The following PHIP variants were observed in gnomAD, a reference collection of about 807,000 sequenced individuals.
The protein encoded by PHIP is PH-interacting protein.
Under a neutral mutation model 236.8 loss-of-function variants are expected in PHIP, and 54 were observed. The observed-to-expected ratio is 0.23, with a 90% CI of 0.18 to 0.29. PHIP has a LOEUF of 0.29. PHIP is among the 10% of genes least tolerant of loss of function. The pLI is 1.00. For missense variants in PHIP, 1,370 were observed against 2,190.8 expected (o/e 0.63, Z 7.48); for synonymous variants, 756 against 718.9 (o/e 1.05, Z -0.83).
At chr6:79,045,347 T>A (rs913314811) in intron 6 of PHIP, among the ~76,000 whole-genome samples, 5 of 152,138 alleles carry the variant, frequency 3.3e-5, no homozygotes, top group Admixed American at 2.6e-4. Context: ...CTTGACCATA[T>A]CAAATAGGTA....
intron 35 of PHIP, among the ~76,000 whole-genome samples, chr6:78,952,629 T>C (rs572169459): frequency 1.4e-4 from 22 of 152,226 alleles, no homozygotes; most frequent in African/African-American, 4.3e-4. Flanking sequence ...TGGGATTCTA[T>C]AGAATTTGCT....
intron 4 of PHIP, among the ~76,000 whole-genome samples, chr6:79,075,510 T>C (rs1774106151): frequency 6.6e-6 from 1 of 152,110 alleles, no homozygotes; most frequent in South Asian, 2.1e-4. Flanking sequence ...AAAGAATGCT[T>C]ACTGTATCTT....
chr6:78,964,002 C>A (rs1766963182), intron 29 of PHIP, among the ~76,000 whole-genome samples: 1 of 152,126 alleles, frequency 6.6e-6, no homozygotes, highest in South Asian at 2.1e-4. Context: ...GGAAACAAAA[C>A]AGTGAATCAG....
In PHIP at chr6:79,019,139, G is replaced by A. The variant is rs1164965097; in HGVS notation, c.944C>T (p.Thr315Ile). ...TTGAACTCCAGGCCGAGGGCGCTCTGTAAATTTTGCAGGTCTTGGGCTGTA... is the reference window on the plus strand; with the variant it reads ...TTGAACTCCAGGCCGAGGGCGCTCTATAAATTTTGCAGGTCTTGGGCTGTA... ...LKINPRPAKF[T>I]ERPRPGVQMI... The change falls in exon 10 of 40, where the codon ACA becomes ATA. Residue 315 changes from threonine to isoleucine, a missense_variant. Transcript: ENST00000275034. 1.2e-6 allele frequency: 2 copies of A among 1,612,244 alleles called. No individual in the cohort carries two copies. The highest frequency in any genetic ancestry group is 2.2e-5 in the East Asian group (1 of 44,832).
At chr6:79,023,644 A>G (rs1347380984) in intron 9 of PHIP, among the ~76,000 whole-genome samples, 2 of 151,976 alleles carry the variant, frequency 1.3e-5, no homozygotes, top group Non-Finnish European at 2.9e-5. Context: ...ATTCCTAATT[A>G]TATCTATATA....
intron 7 of PHIP, among the ~76,000 whole-genome samples, chr6:79,039,789 T>C (rs1772120985): frequency 6.6e-6 from 1 of 152,146 alleles, no homozygotes; most frequent in African/African-American, 2.4e-5. Context: ...CTCCGTTAAA[T>C]GTCACTTAAG....
rs142257341 is a variant in PHIP at position 78,952,667 on chromosome 6, G to A, written c.4053+2147C>T. Among the ~76,000 whole-genome samples, 96 of 151,936 alleles carry A rather than the reference G, an allele frequency of 6.3e-4. 1 individual carries two copies. In the South Asian group the frequency reaches 8.1e-3, roughly 13 times the overall value. ...GATCTTTACACTTACTATCTCTTTA[G>A]TCTGTTTTTAAAACTGTCCAGTAAG... On this transcript the variant is annotated intron_variant, in intron 35 of 39. Transcript: ENST00000275034.
chr6:79,049,713 G>C (rs145900901), intron 6 of PHIP, among the ~76,000 whole-genome samples: 7 of 152,170 alleles, frequency 4.6e-5, no homozygotes, highest in South Asian at 2.1e-4. Flanking sequence ...TCCAATTTTA[G>C]ATGATAATTA....
chr6:79,054,712 T>C (rs191253755), intron 6 of PHIP, among the ~76,000 whole-genome samples: 50 of 151,230 alleles, frequency 3.3e-4, no homozygotes, highest in African/African-American at 1.2e-3. Context: ...AGGAAAAATA[T>C]AAACCTAAGA....
chr6:79,027,461 A>T (rs1276772195), intron 7 of PHIP, among the ~76,000 whole-genome samples: 3 of 152,184 alleles, frequency 2.0e-5, no homozygotes, highest in Non-Finnish European at 4.4e-5. Context: ...TACGGAGGTT[A>T]AAATGGATGG....
chr6:78,988,208 C>T lies in PHIP; in HGVS notation c.2460+1G>A, dbSNP rs780174538. 1 of 1,566,572 alleles carries T rather than the reference C, an allele frequency of 6.4e-7. No individual in the cohort carries two copies. Among genetic ancestry groups the T allele is most frequent in the Admixed American group, 1.9e-5 (1 of 51,934 alleles). ...AATTTATGAATGTGCTGATATCTTA[C>T]ATCTGAAGAACTACTGCCATTTTCT... is the stretch of plus-strand genomic sequence containing the variant. On this transcript the variant is annotated splice_donor_variant, in intron 21 of 39. Transcript: ENST00000275034. LOFTEE classifies it high-confidence loss of function.
chr6:79,069,743 C>A lies in PHIP; in HGVS notation c.189+7705G>T, dbSNP rs576211898. 1.6e-3 allele frequency among the ~76,000 whole-genome samples: 247 copies of A among 151,876 alleles called. 2 individuals carry two copies. The Middle Eastern group carries it at 0.041, about 25-fold the overall frequency. On this transcript the variant is annotated intron_variant, in intron 4 of 39. Coordinates refer to ENST00000275034, the MANE Select transcript of PHIP (RefSeq NM_017934.7). ...CCTGGGTAACTATTCTCAGAAGGAC[C>A]CTTAGATGCCTATTATTTCTTTATA...
chr6:79,035,997 T>C (rs551464151), intron 7 of PHIP, among the ~76,000 whole-genome samples: 2 of 152,278 alleles, frequency 1.3e-5, no homozygotes, highest in Non-Finnish European at 2.9e-5. Context: ...GCTCTGATAC[T>C]GCTACCAGGA....
At chr6:79,025,665 G>A (rs149828172) in intron 8 of PHIP, 46 bp from the exon 9 acceptor site, 2 of 1,211,290 alleles carry the variant, frequency 1.7e-6, no homozygotes, top group African/African-American at 1.5e-5. Flanking sequence ...GAGTGACACA[G>A]TCAAAATAAA....
At chr6:78,965,681 A>T in intron 29 of PHIP, 22 bp downstream of exon 29, 1 of 1,393,024 alleles carries the variant, frequency 7.2e-7, no homozygotes. Flanking sequence ...ATGGAGAAAC[A>T]AAAAGCCTAA....
chr6:78,984,730 C>G (rs1768760004), intron 22 of PHIP, among the ~76,000 whole-genome samples: 1 of 152,164 alleles, frequency 6.6e-6, no homozygotes, highest in South Asian at 2.1e-4. Context: ...CTGAGGAACT[C>G]TTACAGCCTC....
chr6:79,073,525 T>C (rs1295242216), intron 4 of PHIP, among the ~76,000 whole-genome samples: 2 of 152,158 alleles, frequency 1.3e-5, no homozygotes, highest in Admixed American at 6.5e-5. Flanking sequence ...TTATCTTCAA[T>C]ATAGAATGGG....
chr6:79,028,579 A>T (rs964963484), intron 7 of PHIP, among the ~76,000 whole-genome samples: 1 of 152,006 alleles, frequency 6.6e-6, no homozygotes, highest in African/African-American at 2.4e-5. Context: ...TTTGCTGAGT[A>T]AAAAAAATGC....
At chr6:78,975,064 C>A (rs1375192690) in intron 24 of PHIP, among the ~76,000 whole-genome samples, 1 of 151,070 alleles carries the variant, frequency 6.6e-6, no homozygotes, top group Non-Finnish European at 1.5e-5. Flanking sequence ...GGCAGAGACA[C>A]AACCAAAAAA....
Sources: gnomAD v4.1 joint callset for allele counts (sites outside exome capture counted in the v4.1 genomes callset) on GRCh38, gnomAD v4.1.1 for gene constraint, MANE v1.5 for transcripts, NCBI Gene and HGNC (gene_info 2026-07-23, HGNC 2026-07-21) for gene names.